SLC8A3: variants seen among roughly 807,000 people sequenced by gnomAD.
The protein encoded by SLC8A3 is solute carrier family 8 member A3.
Under a neutral mutation model 65.4 loss-of-function variants are expected in SLC8A3, and 37 were observed. The ratio of observed to expected loss-of-function variants is 0.57; its 90% CI spans 0.44 to 0.74. SLC8A3 has a LOEUF of 0.74. Ranked by LOEUF, SLC8A3 falls within the 30% of genes least tolerant of loss-of-function variation. SLC8A3 has a pLI of 0.00. For synonymous variants in SLC8A3, 461 were observed against 444.5 expected (o/e 1.04, Z -0.47); for missense variants, 1,112 against 1,172.1 (o/e 0.95, Z 0.75).
chr14:70,099,673 T>C (rs938455206), intron 2 of SLC8A3, among the ~76,000 whole-genome samples: 4 of 152,200 alleles, frequency 2.6e-5, no homozygotes, highest in African/African-American at 4.8e-5. Flanking sequence ...AGATTTGTTT[T>C]TCAAGGATAC....
chr14:70,093,437 T>C (rs948203270), intron 2 of SLC8A3, among the ~76,000 whole-genome samples: 2 of 152,188 alleles, frequency 1.3e-5, no homozygotes, highest in Non-Finnish European at 2.9e-5. Context: ...GGGCCCTCTT[T>C]TCCCTATTTG....
chr14:70,156,792 T>C (rs1255255944), intron 2 of SLC8A3, among the ~76,000 whole-genome samples: 1 of 152,210 alleles, frequency 6.6e-6, no homozygotes, highest in Non-Finnish European at 1.5e-5. Flanking sequence ...ACTGTCATTC[T>C]ATCCCTGGCA....
chr14:70,173,476 T>C (rs1897674656), intron 1 of SLC8A3, among the ~76,000 whole-genome samples: 1 of 152,188 alleles, frequency 6.6e-6, no homozygotes, highest in Non-Finnish European at 1.5e-5. Context: ...TCTTTTAATA[T>C]CACTGGCAAA....
At position 70,167,013 on chromosome 14, in the gene SLC8A3, A is replaced by G. The variant is rs1897207574; in HGVS notation, c.1410T>C (p.Asp470=). 1.2e-6 allele frequency: 2 copies of G among 1,613,964 alleles called. No individual in the cohort carries two copies. Among genetic ancestry groups the G allele is most frequent in the Non-Finnish European group, 8.5e-7 (1 of 1,180,018 alleles). The change falls in exon 2 of 7, where the codon GAT becomes GAC. Residue 470 remains aspartate (D), a synonymous_variant. Transcript: ENST00000356921. ...GTTCATCCTCCTCAAAAATGTCGTC[A>G]TCAATTATGCCCACGGAGAACTCCT... is the stretch of plus-strand genomic sequence containing the variant. ...TQKEFSVGII[D]DDIFEEDEHF...
intron 1 of SLC8A3, 118 bp from the exon 2 acceptor site, chr14:70,168,602 G>T: frequency 1.7e-6 from 1 of 585,080 alleles, no homozygotes; most frequent in Non-Finnish European, 3.0e-6. Context: ...AACATATGGG[G>T]CAGTCTCTCA....
intron 2 of SLC8A3, among the ~76,000 whole-genome samples, chr14:70,130,375 C>A (rs901744517): frequency 6.6e-6 from 1 of 152,186 alleles, no homozygotes; most frequent in African/African-American, 2.4e-5. Flanking sequence ...TGCTGGGTTG[C>A]CCTGTGTTTG....
chr14:70,133,752 A>G (rs1015427123), intron 2 of SLC8A3, among the ~76,000 whole-genome samples: 7 of 152,200 alleles, frequency 4.6e-5, no homozygotes, highest in African/African-American at 1.4e-4. Context: ...TAGAAGCACA[A>G]TTCTGGGGCT....
Position 70,045,985 on chromosome 14 carries a change from C to G in SLC8A3, c.2728G>C (p.Ala910Pro). 1 of 1,607,250 alleles carries G rather than the reference C, an allele frequency of 6.2e-7. No individual in the cohort carries two copies. The highest frequency in any genetic ancestry group is 8.5e-7 in the Non-Finnish European group (1 of 1,175,440). Residue 910 changes from alanine to proline, a missense_variant, in exon 7 of 7, where the codon GCC (alanine) becomes CCC (proline). By Grantham distance (27) the Ala-to-Pro change is conservative (BLOSUM62 -1). Transcript: ENST00000356921. ...VSLWLLYILF[A>P]TLEAYCYIKG... ...ATGTAGCAATAGGCCTCTAGTGTGG[C>G]AAAGAGTATGTAGAGGAGCCACAGG... is the stretch of plus-strand genomic sequence containing the variant.
intron 2 of SLC8A3, among the ~76,000 whole-genome samples, chr14:70,157,994 T>C (rs915849422): frequency 3.3e-5 from 5 of 151,990 alleles, no homozygotes; most frequent in African/African-American, 1.2e-4. Flanking sequence ...CAGATGCCAA[T>C]AGTGTGAAGG....
chr14:70,048,930 G>A lies in SLC8A3; in HGVS notation c.2226C>T (p.Pro742=). 6.2e-7 allele frequency: 1 copy of A among 1,614,178 alleles called. No homozygotes were observed. The highest frequency in any genetic ancestry group is 8.5e-7 in the Non-Finnish European group (1 of 1,180,026). The stretch of plus-strand genomic sequence containing the variant: ...AGGCCCAGCCGTGGCAGTACTCTGT[G>A]GGGGGCACACAGGCAAACAGCACCT... ...FWKVLFACVP[P]TEYCHGWACF... The change falls in exon 6 of 7, where the codon CCC becomes CCT. Residue 742 remains proline (P), a synonymous_variant. Coordinates refer to ENST00000356921, the MANE Select transcript of SLC8A3 (RefSeq NM_182932.3).
intron 2 of SLC8A3, among the ~76,000 whole-genome samples, chr14:70,164,120 A>T (rs145185778): frequency 1.3e-5 from 2 of 152,282 alleles, no homozygotes; most frequent in East Asian, 3.9e-4. Flanking sequence ...CACCGCATAC[A>T]ATACCTTGAA....
chr14:70,126,562 TCTCTCTCTCACACA>T (rs1894458447), intron 2 of SLC8A3, among the ~76,000 whole-genome samples: 1 of 103,550 alleles, frequency 9.7e-6, no homozygotes, highest in Admixed American at 1.1e-4. Flanking sequence ...TCTCTCTCTC[TCTCTCTCTCACACA>T]CACACACACA....
At chr14:70,056,060 A>G (rs1888081408) in intron 3 of SLC8A3, among the ~76,000 whole-genome samples, 1 of 152,176 alleles carries the variant, frequency 6.6e-6, no homozygotes, top group Admixed American at 6.5e-5. Context: ...ATTTGCTCCT[A>G]TGCTTTCCCG....
intron 2 of SLC8A3, among the ~76,000 whole-genome samples, chr14:70,104,061 G>A (rs1892702930): frequency 6.6e-6 from 1 of 151,764 alleles, no homozygotes; most frequent in Admixed American, 6.6e-5. Context: ...AAATAATAAC[G>A]GAACCAATTC....
intron 2 of SLC8A3, among the ~76,000 whole-genome samples, chr14:70,084,560 C>A (rs1254623749): frequency 1.3e-5 from 2 of 152,320 alleles, no homozygotes; most frequent in South Asian, 2.1e-4. Flanking sequence ...GAACACTTAG[C>A]ATTTTTCTCA....
At chr14:70,171,752 A>G (rs550347162) in intron 1 of SLC8A3, among the ~76,000 whole-genome samples, 118 of 152,340 alleles carry the variant, frequency 7.7e-4, no homozygotes, top group Non-Finnish European at 7.3e-5. Context: ...GTGAGCCAAG[A>G]TCGCGCCATT....
At position 70,167,064 on chromosome 14, in the gene SLC8A3, C is replaced by T. The variant is rs1897211739; in HGVS notation, c.1359G>A (p.Val453=). 6.2e-7 allele frequency: 1 copy of T among 1,613,992 alleles called. No homozygotes were observed. Among genetic ancestry groups the T allele is most frequent in the Admixed American group, 1.7e-5 (1 of 60,026 alleles). Residue 453 remains valine (V), a synonymous_variant, in exon 2 of 7, where the codon GTG becomes GTA. Coordinates refer to ENST00000356921, the MANE Select transcript of SLC8A3 (RefSeq NM_182932.3). ...TCTGGGTCTCTCCTGGCTTCAGAAC[C>T]ACCGTGCCCTCTGTGAACTCATAGT... ...GADYEFTEGT[V]VLKPGETQKE...
chr14:70,136,208 GC>G (rs1895189834), intron 2 of SLC8A3, among the ~76,000 whole-genome samples: 1 of 152,196 alleles, frequency 6.6e-6, no homozygotes, highest in Non-Finnish European at 1.5e-5. Context: ...GCCCAGGATT[GC>G]TAGCAACCCA....
chr14:70,072,587 A>G (rs1051347293), intron 2 of SLC8A3, among the ~76,000 whole-genome samples: 3 of 117,574 alleles, frequency 2.6e-5, no homozygotes, highest in African/African-American at 1.0e-4. Context: ...TGTAATGTCT[A>G]TCTATCCGTC....
Sources: gnomAD v4.1 joint callset for allele counts (sites outside exome capture counted in the v4.1 genomes callset) on GRCh38, gnomAD v4.1.1 for gene constraint, MANE v1.5 for transcripts, NCBI Gene and HGNC (gene_info 2026-07-23, HGNC 2026-07-21) for gene names.